ATP8B1: variants seen among roughly 807,000 people sequenced by gnomAD.
ATP8B1 encodes the protein ATPase phospholipid transporting 8B1.
In ATP8B1, 80 loss-of-function variants were observed where a neutral mutation model predicts 149.9. That is an observed-to-expected ratio of 0.53 (90% CI 0.45 to 0.64). The LOEUF (loss-of-function observed/expected upper bound fraction) is 0.64. Among genes scored for constraint, ATP8B1 ranks in the 30% least tolerant of loss-of-function variants. The probability of loss-of-function intolerance (pLI) is 0.00; values close to 1 mark genes in which losing one functional copy is unlikely to be tolerated. For missense variants in ATP8B1, 1,247 were observed against 1,552.6 expected, an observed-to-expected ratio of 0.80 and a Z score of 3.31; for synonymous variants, 536 against 562.8, an observed-to-expected ratio of 0.95 and a Z score of 0.67.
intron 21 of ATP8B1, 50 bp from the exon 22 acceptor site, chr18:57,661,512 GGAGTACCATTCCCAA>G (rs746292187): frequency 6.4e-7 from 1 of 1,570,264 alleles, no homozygotes; most frequent in Non-Finnish European, 8.7e-7. Flanking sequence ...TTTTACCCCA[GGAGTACCATTCCCAA>G]GATTTAAATT....
intron 1 of ATP8B1, among the ~76,000 whole-genome samples, chr18:57,773,885 C>T (rs2080284895): frequency 6.6e-6 from 1 of 152,184 alleles, no homozygotes; most frequent in Non-Finnish European, 1.5e-5. Context: ...GCTCTGTTCT[C>T]CCTCACCCGG....
In ATP8B1 at chr18:57,764,341, TTTTCTTTCTTTCTC is replaced by T. The variant is rs1177450117; in HGVS notation, c.-25-32523_-25-32510del. Among the ~76,000 whole-genome samples, 665 of 102,012 alleles carry T rather than the reference TTTTCTTTCTTTCTC, an allele frequency of 6.5e-3. 5 individuals are homozygous for T. The highest frequency in any genetic ancestry group is 8.7e-3 in the Non-Finnish European group (409 of 46,928). 66.9% of individuals were successfully genotyped at this position (102,012 alleles called of 152,430 possible). A position where few individuals can be genotyped will look rare whatever the true frequency, so the allele number is the denominator to read the frequency against. Reference sequence around the variant, plus strand: ...TCTTTCTTTTTCTTTCTTTCTTTCTTTTTCTTTCTTTCTCTCCCTCTTTCTTTCTTTCTTTCTCT... The same window carrying T: ...TCTTTCTTTTTCTTTCTTTCTTTCTTTCCCTCTTTCTTTCTTTCTTTCTCT... On this transcript the variant is annotated intron_variant, in intron 1 of 27. Transcript: ENST00000648908.
At chr18:57,649,174 A>T (rs1909425242) in intron 27 of ATP8B1, among the ~76,000 whole-genome samples, 1 of 66,132 alleles carries the variant, frequency 1.5e-5, no homozygotes, top group South Asian at 4.7e-4. Context: ...ACAGGCATGA[A>T]CCACAGTGCT....
intron 1 of ATP8B1, among the ~76,000 whole-genome samples, chr18:57,732,197 G>GTATATA: frequency 2.7e-5 from 1 of 37,434 alleles, no homozygotes; most frequent in Admixed American, 3.0e-4. Flanking sequence ...ATGTATATAT[G>GTATATA]TGTATATATG....
At position 57,648,342 on chromosome 18, in the gene ATP8B1, A is replaced by T. The variant is rs1909315675; in HGVS notation, c.*146T>A. ...TGGCTCTGCTATTGTTTAATAGTCC[A>T]ACCCAAGGAGTTTGTTATAAAGATT... On this transcript the variant is annotated 3_prime_UTR_variant, in exon 28 of 28. Coordinates refer to ENST00000648908, the MANE Select transcript of ATP8B1 (RefSeq NM_001374385.1). 2 of 996,534 alleles carry T rather than the reference A, an allele frequency of 2.0e-6. No homozygotes were observed. The highest frequency in any genetic ancestry group is 1.5e-6 in the Non-Finnish European group (1 of 653,346). 61.7% of individuals were successfully genotyped at this position (996,534 alleles called of 1,614,324 possible).
rs527949190 is a variant in ATP8B1 at position 57,802,508 on chromosome 18, G to A, written c.-26+490C>T. Among the ~76,000 whole-genome samples, 9 of 152,256 alleles carry A rather than the reference G, an allele frequency of 5.9e-5. 1 individual carries two copies. The highest frequency in any genetic ancestry group is 3.4e-3 in the Middle Eastern group (1 of 294). On this transcript the variant is annotated intron_variant, in intron 1 of 27. Coordinates refer to ENST00000648908, the MANE Select transcript of ATP8B1 (RefSeq NM_001374385.1). This position sits in a 1 kb window ranked among gnomAD's most constrained non-coding sequence, Gnocchi z 4.9. ...CCATCCCTCCCGGCAGGTGGGCCGC[G>A]GTCAGATACGTTTGGCCCGCAAGTC...
chr18:57,649,127 T>C (rs939393301), intron 27 of ATP8B1, among the ~76,000 whole-genome samples: 2 of 151,968 alleles, frequency 1.3e-5, no homozygotes, highest in African/African-American at 4.8e-5. Flanking sequence ...TGACCTCAAG[T>C]GATCTGCCTG....
intron 16 of ATP8B1, among the ~76,000 whole-genome samples, chr18:57,672,933 ACATG>A (rs1911339901): frequency 2.3e-5 from 1 of 43,492 alleles, no homozygotes; most frequent in Non-Finnish European, 4.9e-5. Flanking sequence ...TATATATATA[ACATG>A]TATATACACA....
In ATP8B1 at chr18:57,684,082, G is replaced by C. The variant is rs1912112716; in HGVS notation, c.1584C>G (p.Phe528Leu). The C allele has an allele frequency of 6.2e-7, 1 of 1,614,104 alleles. No individual in the cohort carries two copies. The highest frequency in any genetic ancestry group is 2.2e-5 in the East Asian group (1 of 44,872). The change falls in exon 15 of 28, where the codon TTC (phenylalanine) becomes TTG (leucine). Residue 528 changes from phenylalanine to leucine, a missense_variant. Coordinates refer to ENST00000648908, the MANE Select transcript of ATP8B1 (RefSeq NM_001374385.1). ...SGKEPEVRQF[F>L]FLLAVCHTVM... Reference sequence around the variant, plus strand: ...CTGTGTGGCAAACTGCGAGCAAGAAGAAGAACTGTCGTACTTCTGGCTCTT... The same window carrying C: ...CTGTGTGGCAAACTGCGAGCAAGAACAAGAACTGTCGTACTTCTGGCTCTT...
In ATP8B1 at chr18:57,672,903, T is replaced by C. The variant is rs1568189169; in HGVS notation, c.1820-1323A>G. Among the ~76,000 whole-genome samples, 41 of 56,054 alleles carry C rather than the reference T, an allele frequency of 7.3e-4. 4 individuals are homozygous for C. The East Asian group carries it at 0.02, about 28-fold the overall frequency. 36.8% of individuals were successfully genotyped at this position (56,054 alleles called of 152,430 possible). On this transcript the variant is annotated intron_variant, in intron 16 of 27. Transcript: ENST00000648908. Reference sequence around the variant, plus strand: ...AAAAAAAAGTATATATATATATATATATATATATATATATATATATATATA... The same window carrying C: ...AAAAAAAAGTATATATATATATATACATATATATATATATATATATATATA...
intron 19 of ATP8B1, chr18:57,667,551 G>C (rs1005872055): frequency 2.3e-5 from 5 of 217,372 alleles, no homozygotes; most frequent in African/African-American, 9.2e-5. Flanking sequence ...GCAATCTGTA[G>C]GAATCACATG....
At position 57,768,386 on chromosome 18, in the gene ATP8B1, C is replaced by CAAAAAA. The variant is rs145660399; in HGVS notation, c.-26+34606_-26+34611dup. On this transcript the variant is annotated intron_variant, in intron 1 of 27. Transcript: ENST00000648908. ...TGGGCAACAGAGTGAGACCCTGTCT[C>CAAAAAA]AAAAAAAAAAAAAAAAAAAAAAAAG... Among the ~76,000 whole-genome samples, 20 of 68,178 alleles carry CAAAAAA rather than the reference C, an allele frequency of 2.9e-4. 1 individual carries two copies. The highest frequency in any genetic ancestry group is 1.9e-3 in the East Asian group (4 of 2,076). 44.7% of individuals were successfully genotyped at this position (68,178 alleles called of 152,430 possible). A position where few individuals can be genotyped will look rare whatever the true frequency, so the allele number is the denominator to read the frequency against.
chr18:57,762,838 G>A (rs2080170290), intron 1 of ATP8B1, among the ~76,000 whole-genome samples: 1 of 152,136 alleles, frequency 6.6e-6, no homozygotes, highest in Non-Finnish European at 1.5e-5. Context: ...ATGAAGCAAT[G>A]TGCTTCCCAA....
intron 1 of ATP8B1, among the ~76,000 whole-genome samples, chr18:57,778,170 C>T (rs1405011531): frequency 6.6e-6 from 1 of 152,044 alleles, no homozygotes; most frequent in Non-Finnish European, 1.5e-5. Flanking sequence ...AACAAAATAC[C>T]CCCAAATTTA....
intron 2 of ATP8B1, among the ~76,000 whole-genome samples, chr18:57,713,200 C>T (rs9947190): frequency 0.11 from 6,485 of 59,194 alleles, 287 homozygotes; most frequent in African/African-American, 0.14. Flanking sequence ...TCTTTCTTTC[C>T]TTCCTTCCTT....
chr18:57,648,611 G>T lies in ATP8B1; in HGVS notation c.3633C>A (p.Phe1211Leu), dbSNP rs746056286. The stretch of plus-strand genomic sequence containing the variant: ...GGTCCGCGTAGCCCCGCTGGTGCGA[G>T]AAGGCGTAGGCCGAGCGCCGCGTTG... ...GVSTRRSAYA[F>L]SHQRGYADLI... Residue 1211 changes from phenylalanine to leucine, a missense_variant, in exon 28 of 28, where the codon TTC becomes TTA. Physicochemically the swap from Phe to Leu is conservative, Grantham distance 22. Around this residue, in one of 3 missense-constraint regions of ATP8B1, gnomAD observed 164 missense variants for 160.3 expected, o/e 1.02. Coordinates refer to ENST00000648908, the MANE Select transcript of ATP8B1 (RefSeq NM_001374385.1). The T allele has an allele frequency of 1.2e-6, 2 of 1,610,396 alleles. No individual in the cohort carries two copies. The highest frequency in any genetic ancestry group is 8.5e-7 in the Non-Finnish European group (1 of 1,179,448).
At chr18:57,702,612 C>T (rs1913182611) in intron 4 of ATP8B1, among the ~76,000 whole-genome samples, 1 of 152,194 alleles carries the variant, frequency 6.6e-6, no homozygotes, top group African/African-American at 2.4e-5. Context: ...AATCCCAACA[C>T]TTTGGGAGGC....
chr18:57,693,533 C>A (rs1026499141), intron 11 of ATP8B1, among the ~76,000 whole-genome samples: 10 of 152,008 alleles, frequency 6.6e-5, no homozygotes, highest in Non-Finnish European at 1.3e-4. Context: ...CATGGTGAAA[C>A]CCCGTCTCTA....
chr18:57,652,915 C>G (rs1257525046), intron 24 of ATP8B1, among the ~76,000 whole-genome samples, 186 bp from the exon 25 acceptor site: 1 of 152,098 alleles, frequency 6.6e-6, no homozygotes, highest in African/African-American at 2.4e-5. Flanking sequence ...ATTGCTTAGA[C>G]CACCATTACT....
Sources: gnomAD v4.1 joint callset for allele counts (sites outside exome capture counted in the v4.1 genomes callset) on GRCh38, gnomAD v4.1.1 for gene constraint, gnomAD v4.1.1 regional missense constraint, Gnocchi (gnomAD v3.1) non-coding constraint, MANE v1.5 for transcripts, NCBI Gene and HGNC (gene_info 2026-07-23, HGNC 2026-07-21) for gene names.